The following PEX11B variants were observed in gnomAD, a reference collection of about 807,000 sequenced individuals.
PEX11B encodes peroxisomal biogenesis factor 11 beta, also known as peroxisomal membrane protein 11B.
In PEX11B, 18 loss-of-function variants were observed where a neutral mutation model predicts 28.2. The ratio of observed to expected loss-of-function variants is 0.64; its 90% confidence interval spans 0.44 to 0.95. The LOEUF (loss-of-function observed/expected upper bound fraction) is 0.95. Among genes scored for constraint, PEX11B ranks in the 40% least tolerant of loss-of-function variants. The pLI is 0.00. For synonymous variants in PEX11B, 128 were observed against 128.7 expected (o/e 0.99, Z 0.04); for missense variants, 305 against 319.8 (o/e 0.95, Z 0.35).
At chr1:145,918,256 G>A in intron 1 of PEX11B, 1 of 985,466 alleles carries the variant, frequency 1.0e-6, no homozygotes, top group Non-Finnish European at 1.2e-6. Flanking sequence ...GTTCCCGAAT[G>A]GCAGCACGGT....
At position 145,918,692 on chromosome 1, in the gene PEX11B, A is replaced by G. The variant is rs1207936737; in HGVS notation, c.-4T>C. On this transcript the variant is annotated 5_prime_UTR_variant, in exon 1 of 4. Transcript: ENST00000369306. ...TGAAGCGGACCCAGGCGTCCATGAC[A>G]GCCGCAGCCCAGGCTCCGCGGCCCT... The G allele has an allele frequency of 6.4e-7, 1 of 1,572,804 alleles. No homozygotes were observed. The highest frequency in any genetic ancestry group is 8.6e-7 in the Non-Finnish European group (1 of 1,159,880).
intron 3 of PEX11B, among the ~76,000 whole-genome samples, chr1:145,916,143 G>A (rs1647365007): frequency 6.6e-6 from 1 of 152,086 alleles, no homozygotes; most frequent in Admixed American, 6.6e-5. Context: ...AATCACACTG[G>A]CTTTCTTTCT....
chr1:145,918,460 G>T, intron 1 of PEX11B, 173 bp downstream of exon 1: 2 of 1,536,310 alleles, frequency 1.3e-6, no homozygotes, highest in Non-Finnish European at 1.7e-6. Flanking sequence ...TCCGCGAACG[G>T]AAAGGAATCA....
chr1:145,917,829 G>A lies in PEX11B; in HGVS notation c.57-13C>T. The A allele has an allele frequency of 6.3e-7, 1 of 1,585,614 alleles. No individual in the cohort carries two copies. Among genetic ancestry groups the A allele is most frequent in the Non-Finnish European group, 8.7e-7 (1 of 1,154,396 alleles). ...ATACTGGGCGGCCCTAGAGGAGAGGGCAGGCAAGGTAAGGTGGAGACCTCC... is the reference window on the plus strand; with the variant it reads ...ATACTGGGCGGCCCTAGAGGAGAGGACAGGCAAGGTAAGGTGGAGACCTCC... On this transcript the variant is annotated splice_polypyrimidine_tract_variant and intron_variant, in intron 1 of 3. Transcript: ENST00000369306.
rs1559221607 is a variant in PEX11B at position 145,912,337 on chromosome 1, T to TAGCAG, written c.603_604insCTGCT (p.Arg202LeufsTer10). The TAGCAG allele has an allele frequency of 6.2e-7, 1 of 1,613,948 alleles. No individual in the cohort carries two copies. Among genetic ancestry groups the TAGCAG allele is most frequent in the Middle Eastern group, 1.6e-4 (1 of 6,062 alleles). Reference sequence around the variant, plus strand: ...TCTAGCAGAAGTGGGGGATGACCTCTAAGGACTCGAGCCAGGAGCAGGACT... The same window carrying TAGCAG: ...TCTAGCAGAAGTGGGGGATGACCTCTAGCAGAAGGACTCGAGCCAGGAGCAGGACT... On this transcript the variant is annotated frameshift_variant, in exon 4 of 4. Transcript: ENST00000369306. LOFTEE classifies it high-confidence loss of function.
rs1159137106 is a variant in PEX11B, at chr1:145,911,547, T to G, written c.*614A>C. 1 of 165,934 alleles carries G rather than the reference T, an allele frequency of 6.0e-6. No individual in the cohort carries two copies. Among genetic ancestry groups the G allele is most frequent in the Non-Finnish European group, 1.3e-5 (1 of 74,700 alleles). 10.3% of individuals were successfully genotyped at this position (165,934 alleles called of 1,614,324 possible). A position where few individuals can be genotyped will look rare whatever the true frequency, so the allele number is the denominator to read the frequency against. ...TCTGAAATCAAAGTGTAAGCAGAAATCTGAAGGTAGGTGTACAAGGAAGGA... is the reference window on the plus strand; with the variant it reads ...TCTGAAATCAAAGTGTAAGCAGAAAGCTGAAGGTAGGTGTACAAGGAAGGA... On this transcript the variant is annotated 3_prime_UTR_variant, in exon 4 of 4. Coordinates refer to ENST00000369306, the MANE Select transcript of PEX11B (RefSeq NM_003846.3).
rs587731499 is a variant in PEX11B at position 145,914,329 on chromosome 1, G to A, written c.375-1763C>T. 1.3e-4 allele frequency among the ~76,000 whole-genome samples: 20 copies of A among 150,494 alleles called. No homozygotes were observed. The East Asian group carries it at 3.9e-3, about 29-fold the overall frequency. On this transcript the variant is annotated intron_variant, in intron 3 of 3. Transcript: ENST00000369306. Reference sequence around the variant, plus strand: ...ATGGACGTTGCAGTGAGCTGAGATTGCACCATTGCGCTCCAGCCTGGGCGA... The same window carrying A: ...ATGGACGTTGCAGTGAGCTGAGATTACACCATTGCGCTCCAGCCTGGGCGA...
At position 145,916,648 on chromosome 1, in the gene PEX11B, C is replaced by T. The variant is rs188661730; in HGVS notation, c.374+169G>A. On this transcript the variant is annotated intron_variant, in intron 3 of 3. Transcript: ENST00000369306. ...GAAGAGCATCTGTCTTCCATCTCTCCCCATTTGATATTCTCCGATAGTTTA... is the reference window on the plus strand; with the variant it reads ...GAAGAGCATCTGTCTTCCATCTCTCTCCATTTGATATTCTCCGATAGTTTA... 5.1e-4 allele frequency among the ~76,000 whole-genome samples: 77 copies of T among 152,248 alleles called. No homozygotes were observed. The East Asian group carries it at 0.014, about 28-fold the overall frequency.
Position 145,917,668 on chromosome 1 carries a change from T to C in PEX11B, c.172+33A>G, listed in dbSNP as rs587661525. ...AGGTGAGCTGGGGATGGAGGAAAGG[T>C]TGGGGGATAAAAGGAAAGACAGAGT... On this transcript the variant is annotated intron_variant, in intron 2 of 3. Transcript: ENST00000369306. The C allele has an allele frequency of 5.5e-5, 65 of 1,185,698 alleles. 2 individuals carry two copies. In the South Asian group the frequency reaches 5.8e-4, roughly 11 times the overall value. 73.4% of individuals were successfully genotyped at this position (1,185,698 alleles called of 1,614,324 possible).
intron 3 of PEX11B, 96 bp from the exon 4 acceptor site, chr1:145,912,662 AT>A: frequency 1.2e-6 from 1 of 823,262 alleles, no homozygotes; most frequent in Non-Finnish European, 1.8e-6. Flanking sequence ...TAGCAAAGAG[AT>A]TACACATTAG....
Position 145,917,600 on chromosome 1 carries a change from G to A in PEX11B, c.172+101C>T, listed in dbSNP as rs1201370711. The A allele has an allele frequency of 1.1e-5, 8 of 736,126 alleles. No individual in the cohort carries two copies. The African/African-American group carries it at 1.4e-4, about 13-fold the overall frequency. 45.6% of individuals were successfully genotyped at this position (736,126 alleles called of 1,614,324 possible). A position where few individuals can be genotyped will look rare whatever the true frequency, so the allele number is the denominator to read the frequency against. ...GCAGAGGGTAAGTGCAGAGCCAAAT[G>A]AGAAAGAAGAACAGAGAGGGTACAG... On this transcript the variant is annotated intron_variant, in intron 2 of 3. Transcript: ENST00000369306.
intron 3 of PEX11B, among the ~76,000 whole-genome samples, chr1:145,912,951 G>A (rs1657872971): frequency 6.6e-6 from 1 of 152,096 alleles, no homozygotes; most frequent in Non-Finnish European, 1.5e-5. Context: ...GGCCAGTTGT[G>A]GTGGCCAGCA....
At chr1:145,918,074 G>A (rs1403370861) in intron 1 of PEX11B, 5 of 985,282 alleles carry the variant, frequency 5.1e-6, no homozygotes, top group Non-Finnish European at 6.0e-6. Flanking sequence ...GCCTGAAGGG[G>A]CCAGTGCAGG....
At position 145,912,545 on chromosome 1, in the gene PEX11B, G is replaced by T; in HGVS notation, c.396C>A (p.Ile132=). The T allele has an allele frequency of 6.7e-7, 1 of 1,491,118 alleles. No individual in the cohort carries two copies. The highest frequency in any genetic ancestry group is 8.9e-7 in the Non-Finnish European group (1 of 1,119,756). The allele number at this position is 1,491,118 out of a possible 1,614,324, so 92.4% of individuals were successfully genotyped here. The change falls in exon 4 of 4, where the codon ATC becomes ATA. Residue 132 remains isoleucine, a synonymous_variant. Coordinates refer to ENST00000369306, the MANE Select transcript of PEX11B (RefSeq NM_003846.3). The part of the protein sequence containing the change: ...RSFRYYLFSL[I]MNLSRDAYEI... The stretch of plus-strand genomic sequence containing the variant: ...CATAAGCATCACGGCTCAAATTCAT[G>T]ATGAGGGAAAACAAATAGTACCTGA...
intron 3 of PEX11B, among the ~76,000 whole-genome samples, chr1:145,913,543 C>G (rs587602968): frequency 5.5e-4 from 84 of 151,396 alleles, no homozygotes; most frequent in African/African-American, 2.0e-3. Flanking sequence ...ACTCCATGAG[C>G]ATCATGAAAT....
At chr1:145,917,046 G>C (rs1553754029) in intron 2 of PEX11B, 28 bp from the exon 3 acceptor site, 2 of 1,443,820 alleles carry the variant, frequency 1.4e-6, no homozygotes, top group Non-Finnish European at 2.0e-6. Context: ...GGGAAAGCAA[G>C]GATTTGTAAG....
In PEX11B at chr1:145,911,357, G is replaced by A. The variant is rs1407528414; in HGVS notation, c.*804C>T. On this transcript the variant is annotated 3_prime_UTR_variant, in exon 4 of 4. Coordinates refer to ENST00000369306, the MANE Select transcript of PEX11B (RefSeq NM_003846.3). ...GAGGGACCAGACCAAATGTCGATGA[G>A]CAAACTGAACTTTAATTTGCTTACC... 2 of 152,288 alleles carry A rather than the reference G, an allele frequency of 1.3e-5. No individual in the cohort carries two copies. Among genetic ancestry groups the A allele is most frequent in the Non-Finnish European group, 2.9e-5 (2 of 68,068 alleles). The allele number at this position is 152,288 out of a possible 1,614,324, so 9.4% of individuals were successfully genotyped here.
intron 3 of PEX11B, among the ~76,000 whole-genome samples, 162 bp downstream of exon 3, chr1:145,916,655 G>A (rs1349094056): frequency 6.6e-6 from 1 of 152,072 alleles, no homozygotes; most frequent in Non-Finnish European, 1.5e-5. Flanking sequence ...CTCCCCATTT[G>A]ATATTCTCCG....
rs782359543 is a variant in PEX11B, at chr1:145,917,019, C to T, written c.173-1G>A. 3 of 1,602,478 alleles carry T rather than the reference C, an allele frequency of 1.9e-6. No homozygotes were observed. The highest frequency in any genetic ancestry group is 1.1e-5 in the South Asian group (1 of 90,786). On this transcript the variant is annotated splice_acceptor_variant, in intron 2 of 3. Transcript: ENST00000369306. LOFTEE classifies it high-confidence loss of function. ...TCTGCTGAGTTACCCAGGCGTAGAA[C>T]TTGTGGAGATTAGAAAGGGAAAGCA...
Sources: allele counts gnomAD v4.1 joint callset (sites outside exome capture counted in the v4.1 genomes callset), GRCh38; gene constraint gnomAD v4.1.1; transcripts MANE v1.5; gene names NCBI Gene and HGNC (gene_info 2026-07-23, HGNC 2026-07-21).